Variants in ACSS3 observed in about 807,000 individuals in gnomAD.
The protein encoded by ACSS3 is acyl-CoA synthetase short-chain family member 3, mitochondrial.
ACSS3 carries 64 observed loss-of-function variants against 84.2 expected under a neutral mutation model. The observed-to-expected ratio is 0.76, with a 90% confidence interval of 0.62 to 0.94. The LOEUF (loss-of-function observed/expected upper bound fraction) is 0.94. Ranked by LOEUF, ACSS3 falls within the 40% of genes least tolerant of loss-of-function variation. The pLI is 0.00. For synonymous variants in ACSS3, 317 were observed against 310.1 expected (o/e 1.02, Z -0.23); for missense variants, 815 against 867.6 (o/e 0.94, Z 0.76).
intron 9 of ACSS3, among the ~76,000 whole-genome samples, chr12:81,205,460 T>C (rs1165437949): frequency 6.6e-6 from 1 of 152,078 alleles, no homozygotes; most frequent in Non-Finnish European, 1.5e-5. Context: ...AGCAATACAT[T>C]CTATTTACAA....
chr12:81,080,270 G>A (rs1880885266), intron 1 of ACSS3, among the ~76,000 whole-genome samples: 1 of 151,846 alleles, frequency 6.6e-6, no homozygotes, highest in Admixed American at 6.6e-5. Flanking sequence ...GGAAGTGAGT[G>A]TCAATGTCCC....
chr12:81,240,118 T>A lies in ACSS3; in HGVS notation c.1719+6647T>A, dbSNP rs540893354. On this transcript the variant is annotated intron_variant, in intron 13 of 15. Transcript: ENST00000548058. ...GATGGTACTGTTGAACTGAACTATG[T>A]CCTTACTGATTGTGTGCCCAGTGGA... 4.6e-5 allele frequency among the ~76,000 whole-genome samples: 7 copies of A among 152,078 alleles called. No individual in the cohort carries two copies. The East Asian group carries it at 1.4e-3, about 29-fold the overall frequency.
chr12:81,159,297 G>A (rs1887033194), intron 7 of ACSS3, among the ~76,000 whole-genome samples: 2 of 151,880 alleles, frequency 1.3e-5, no homozygotes, highest in African/African-American at 4.8e-5. Context: ...AAGAATATAA[G>A]CTCCTATCTC....
chr12:81,088,150 T>C (rs1219532908), intron 1 of ACSS3, among the ~76,000 whole-genome samples: 1 of 152,092 alleles, frequency 6.6e-6, no homozygotes, highest in Non-Finnish European at 1.5e-5. Context: ...AATTCTTAGT[T>C]CTTTCTCATC....
chr12:81,223,555 G>A (rs1260793847), intron 11 of ACSS3, among the ~76,000 whole-genome samples: 6 of 152,122 alleles, frequency 3.9e-5, no homozygotes, highest in Middle Eastern at 3.4e-3. Flanking sequence ...AGCACTATGA[G>A]TTAGGCAATG....
At position 81,101,845 on chromosome 12, in the gene ACSS3, T is replaced by A. The variant is rs550346121; in HGVS notation, c.312-7715T>A. Among the ~76,000 whole-genome samples, 16 of 152,206 alleles carry A rather than the reference T, an allele frequency of 1.1e-4. No individual in the cohort carries two copies. In the South Asian group the frequency reaches 1.7e-3, roughly 16 times the overall value. The stretch of plus-strand genomic sequence containing the variant: ...TAATAAGGTTGAGCATCTTTTTTTT[T>A]ATACTTACTGGTCATTTTCATTTTG... On this transcript the variant is annotated intron_variant, in intron 1 of 15. Coordinates refer to ENST00000548058, the MANE Select transcript of ACSS3 (RefSeq NM_024560.4).
At chr12:81,136,761 G>A (rs963477749) in intron 3 of ACSS3, among the ~76,000 whole-genome samples, 9 of 152,160 alleles carry the variant, frequency 5.9e-5, no homozygotes, top group Non-Finnish European at 1.3e-4. Flanking sequence ...TTTTTGAACA[G>A]GCAAGTGTCA....
chr12:81,174,845 G>T lies in ACSS3; in HGVS notation c.1156G>T (p.Gly386Ter). The T allele has an allele frequency of 6.2e-7, 1 of 1,613,910 alleles. No homozygotes were observed. Among genetic ancestry groups the T allele is most frequent in the Non-Finnish European group, 8.5e-7 (1 of 1,179,920 alleles). Residue 386 changes from glycine to a stop codon, truncating the protein, a stop_gained, in exon 8 of 16, where the codon GGA becomes TGA. Coordinates refer to ENST00000548058, the MANE Select transcript of ACSS3 (RefSeq NM_024560.4). LOFTEE classifies it high-confidence loss of function. ...GAYFRVLAEH[G>*]VAALFTAPTA... ...TTATTTCCGTGTGCTTGCAGAGCAT[G>T]GAGTAGCTGCCTTGTTTACAGCACC...
At chr12:81,242,499 C>G (rs930429960) in intron 13 of ACSS3, among the ~76,000 whole-genome samples, 2 of 150,568 alleles carry the variant, frequency 1.3e-5, no homozygotes, top group African/African-American at 4.9e-5. Context: ...TCCTCCCTAA[C>G]TCATTTTATG....
At chr12:81,144,788 C>T (rs1886246340) in intron 5 of ACSS3, among the ~76,000 whole-genome samples, 3 of 151,994 alleles carry the variant, frequency 2.0e-5, no homozygotes, top group Admixed American at 1.3e-4. Flanking sequence ...AAATTAAAAG[C>T]TGACTTGCCA....
In ACSS3 at chr12:81,200,889, C is replaced by CAA. The variant is rs35916130; in HGVS notation, c.1354+1461_1354+1462dup. On this transcript the variant is annotated intron_variant, in intron 9 of 15. Coordinates refer to ENST00000548058, the MANE Select transcript of ACSS3 (RefSeq NM_024560.4). ...AGCCTGGGCAACAGAGCAAGACTGT[C>CAA]AAAAAAAAAAAAAAAAAGAAAAAGA... is the stretch of plus-strand genomic sequence containing the variant. Among the ~76,000 whole-genome samples, 547 of 56,480 alleles carry CAA rather than the reference C, an allele frequency of 9.7e-3. 3 individuals are homozygous for CAA. The highest frequency in any genetic ancestry group is 0.024 in the African/African-American group (384 of 15,956). 37.1% of individuals were successfully genotyped at this position (56,480 alleles called of 152,430 possible).
At chr12:81,152,696 A>AT (rs1886670079) in intron 7 of ACSS3, among the ~76,000 whole-genome samples, 1 of 152,220 alleles carries the variant, frequency 6.6e-6, no homozygotes, top group Admixed American at 6.5e-5. Context: ...AAGACTTAGA[A>AT]AACATACCTA....
At chr12:81,131,017 T>G (rs558807175) in intron 2 of ACSS3, among the ~76,000 whole-genome samples, 1 of 152,350 alleles carries the variant, frequency 6.6e-6, no homozygotes, top group South Asian at 2.1e-4. Flanking sequence ...ACCATGCTGT[T>G]TTGGTTACTG....
intron 2 of ACSS3, among the ~76,000 whole-genome samples, chr12:81,123,952 G>T (rs1245172589): frequency 2.6e-5 from 4 of 151,890 alleles, no homozygotes; most frequent in Non-Finnish European, 2.9e-5. Flanking sequence ...GTATATTTTT[G>T]GTAGAAAGAT....
intron 11 of ACSS3, among the ~76,000 whole-genome samples, chr12:81,227,033 A>AT (rs1471109620): frequency 9.3e-5 from 14 of 150,614 alleles, no homozygotes; most frequent in Admixed American, 2.0e-4. Context: ...AGGGAGAAAT[A>AT]TTTGTTTTAA....
intron 1 of ACSS3, among the ~76,000 whole-genome samples, chr12:81,081,465 G>T (rs139673639): frequency 6.6e-6 from 1 of 152,182 alleles, no homozygotes; most frequent in African/African-American, 2.4e-5. Context: ...CTATTAGAGA[G>T]ACTTCAGTGG....
chr12:81,186,544 C>T (rs150510648), intron 8 of ACSS3, among the ~76,000 whole-genome samples: 1,721 of 151,710 alleles, frequency 0.011, 17 homozygotes, highest in African/African-American at 0.02. Flanking sequence ...AAAAAATGGG[C>T]AAAATACCTG....
rs1168587123 is a variant in ACSS3, at chr12:81,260,056, T to TGTTATTATC, written c.*5138_*5139insTTATCGTTA. 3.8e-5 allele frequency: 6 copies of TGTTATTATC among 157,850 alleles called. No homozygotes were observed. Among genetic ancestry groups the TGTTATTATC allele is most frequent in the African/African-American group, 1.4e-4 (6 of 41,636 alleles). 9.8% of individuals were successfully genotyped at this position (157,850 alleles called of 1,614,324 possible). A position where few individuals can be genotyped will look rare whatever the true frequency, so the allele number is the denominator to read the frequency against. ...AGAGTTCTTAAAAAATACCTTTATTTGTTACAAAAACATAACGATAATAAG... is the reference window on the plus strand; with the variant it reads ...AGAGTTCTTAAAAAATACCTTTATTTGTTATTATCGTTACAAAAACATAACGATAATAAG... On this transcript the variant is annotated 3_prime_UTR_variant, in exon 16 of 16. Coordinates refer to ENST00000548058, the MANE Select transcript of ACSS3 (RefSeq NM_024560.4).
At chr12:81,199,964 T>C (rs10778802) in intron 9 of ACSS3, 36,658 of 201,658 alleles carry the variant, frequency 0.18, 3,915 homozygotes, top group East Asian at 0.39. Flanking sequence ...TCTAATATAT[T>C]CTGCCTAGCA....
Sources: allele counts gnomAD v4.1 joint callset (sites outside exome capture counted in the v4.1 genomes callset), GRCh38; gene constraint gnomAD v4.1.1; transcripts MANE v1.5; gene names NCBI Gene and HGNC (gene_info 2026-07-23, HGNC 2026-07-21).